The following SCAPER variants were observed in gnomAD, a reference collection of about 807,000 sequenced individuals.
SCAPER encodes the protein S-phase cyclin A associated protein in the ER, also known as S phase cyclin A-associated protein in the endoplasmic reticulum.
A neutral mutation model predicts 182.2 loss-of-function variants in SCAPER; 98 were observed. The ratio of observed to expected loss-of-function variants is 0.54; its 90% CI spans 0.46 to 0.64. SCAPER has a LOEUF of 0.64. SCAPER is among the 30% of genes least tolerant of loss of function. The pLI, the probability that SCAPER is intolerant of heterozygous loss-of-function variation, is 0.00. For missense variants in SCAPER, 1,432 were observed against 1,690.0 expected (o/e 0.85, Z 2.68); for synonymous variants, 605 against 564.6 (o/e 1.07, Z -1.01).
intron 29 of SCAPER, among the ~76,000 whole-genome samples, chr15:76,358,716 G>C (rs1312236987): frequency 6.6e-6 from 1 of 152,206 alleles, no homozygotes; most frequent in Non-Finnish European, 1.5e-5. Flanking sequence ...TTGCAGGTTA[G>C]GGCTTTAACA....
intron 29 of SCAPER, among the ~76,000 whole-genome samples, chr15:76,372,438 A>T (rs2042246119): frequency 1.3e-5 from 2 of 152,158 alleles, no homozygotes; most frequent in African/African-American, 4.8e-5. Context: ...TGAGTCACCC[A>T]TCCCTGATGC....
intron 14 of SCAPER, among the ~76,000 whole-genome samples, chr15:76,755,546 A>C (rs748991641): frequency 6.6e-6 from 1 of 152,166 alleles, no homozygotes; most frequent in Non-Finnish European, 1.5e-5. Context: ...TAGTGGCCAT[A>C]TATCTTTCAA....
chr15:76,892,698 T>C (rs1402784735), intron 1 of SCAPER, among the ~76,000 whole-genome samples: 2 of 152,144 alleles, frequency 1.3e-5, no homozygotes, highest in Non-Finnish European at 2.9e-5. Context: ...TGTGGAGAAA[T>C]AGGAATGCTT....
At chr15:76,503,105 G>A (rs1036592457) in intron 24 of SCAPER, among the ~76,000 whole-genome samples, 1 of 151,982 alleles carries the variant, frequency 6.6e-6, no homozygotes, top group African/African-American at 2.4e-5. Flanking sequence ...AAAACCTCCA[G>A]GTGAATTTAA....
intron 17 of SCAPER, among the ~76,000 whole-genome samples, chr15:76,727,779 C>T (rs1423352792): frequency 1.3e-5 from 2 of 151,334 alleles, no homozygotes; most frequent in Non-Finnish European, 2.9e-5. Context: ...TAAGACACAA[C>T]CTATAGGTAT....
chr15:76,742,133 C>T (rs146071685), intron 15 of SCAPER, among the ~76,000 whole-genome samples: 26 of 151,992 alleles, frequency 1.7e-4, no homozygotes, highest in Non-Finnish European at 2.7e-4. Context: ...TGAAGTGACT[C>T]AGAAAAGTCT....
At chr15:76,806,887 A>G (rs2066201643) in intron 5 of SCAPER, among the ~76,000 whole-genome samples, 3 of 152,082 alleles carry the variant, frequency 2.0e-5, no homozygotes, top group Admixed American at 2.0e-4. Flanking sequence ...TAAAAATACA[A>G]CTGATTTTTG....
At chr15:76,526,943 C>T (rs1447419332) in intron 23 of SCAPER, among the ~76,000 whole-genome samples, 1 of 151,890 alleles carries the variant, frequency 6.6e-6, no homozygotes, top group African/African-American at 2.4e-5. Context: ...GCGATCTTGG[C>T]TCACTGCAAC....
chr15:76,570,142 C>G (rs1049474944), intron 23 of SCAPER, among the ~76,000 whole-genome samples: 7 of 152,068 alleles, frequency 4.6e-5, no homozygotes, highest in Non-Finnish European at 1.0e-4. Flanking sequence ...TCATTTTAAT[C>G]TTTTTTCAGT....
At chr15:76,661,376 A>G (rs559530487) in intron 21 of SCAPER, among the ~76,000 whole-genome samples, 2 of 152,296 alleles carry the variant, frequency 1.3e-5, no homozygotes, top group South Asian at 2.1e-4. Context: ...ACAAACTATC[A>G]TAAGAGCAAA....
chr15:76,575,738 T>C (rs2047768422), intron 22 of SCAPER, among the ~76,000 whole-genome samples: 1 of 152,232 alleles, frequency 6.6e-6, no homozygotes, highest in African/African-American at 2.4e-5. Flanking sequence ...CTTTCTCTGA[T>C]TTGACTATTT....
In SCAPER at chr15:76,668,167, C is replaced by T. The variant is rs901082218; in HGVS notation, c.2509-2378G>A. On this transcript the variant is annotated intron_variant, in intron 20 of 31. Coordinates refer to ENST00000563290, the MANE Select transcript of SCAPER (RefSeq NM_020843.4). ...CATCCAATACATCAGCAAATCCTAT[C>T]AGTTCTCTTTTCATATATATCCCCA... 3.9e-5 allele frequency among the ~76,000 whole-genome samples: 6 copies of T among 152,152 alleles called. No individual in the cohort carries two copies. The South Asian group carries it at 1.2e-3, about 32-fold the overall frequency.
At position 76,415,937 on chromosome 15, in the gene SCAPER, A is replaced by G. The variant is rs527650409; in HGVS notation, c.3312-11258T>C. 3.0e-4 allele frequency among the ~76,000 whole-genome samples: 46 copies of G among 152,340 alleles called. 1 individual carries two copies. Among genetic ancestry groups the G allele is most frequent in the African/African-American group, 1.1e-3 (44 of 41,580 alleles). On this transcript the variant is annotated intron_variant, in intron 26 of 31. Coordinates refer to ENST00000563290, the MANE Select transcript of SCAPER (RefSeq NM_020843.4). ...CTATAATTTTATTTTGTGTATGTTG[A>G]CAGTATTTCATAATAAAATAATAGA...
chr15:76,623,372 T>A (rs1753409863), intron 21 of SCAPER, among the ~76,000 whole-genome samples: 1 of 152,220 alleles, frequency 6.6e-6, no homozygotes, highest in Admixed American at 6.5e-5. Context: ...AATTTTATAG[T>A]TTAGAGGTCT....
intron 24 of SCAPER, chr15:76,498,266 C>T (rs1301466637): frequency 6.6e-6 from 1 of 152,084 alleles, no homozygotes; most frequent in African/African-American, 2.4e-5. Context: ...TTCCCATGCC[C>T]ACAAGTGATC....
intron 29 of SCAPER, among the ~76,000 whole-genome samples, chr15:76,358,936 G>C (rs2041197481): frequency 6.6e-6 from 1 of 152,148 alleles, no homozygotes; most frequent in Non-Finnish European, 1.5e-5. Context: ...GGCAGCCCTG[G>C]GCTCTAGGTC....
intron 28 of SCAPER, among the ~76,000 whole-genome samples, chr15:76,377,874 C>CTCAGCA (rs1209723968): frequency 6.6e-6 from 1 of 152,222 alleles, no homozygotes; most frequent in East Asian, 1.9e-4. Flanking sequence ...AACCTTCTGA[C>CTCAGCA]TCAGCATGTC....
rs911693513 is a variant in SCAPER at position 76,438,300 on chromosome 15, T to A, written c.3079-3990A>T. On this transcript the variant is annotated intron_variant, in intron 25 of 31. Coordinates refer to ENST00000563290, the MANE Select transcript of SCAPER (RefSeq NM_020843.4). ...GTCTCAAAAAAAAAAAAAAAAAAAA[T>A]TTAAGAATATATTTATGGGCTGTTG... 5.1e-3 allele frequency among the ~76,000 whole-genome samples: 611 copies of A among 119,822 alleles called. 6 individuals are homozygous for A. The highest frequency in any genetic ancestry group is 0.016 in the African/African-American group (564 of 35,166). 78.6% of individuals were successfully genotyped at this position (119,822 alleles called of 152,430 possible).
intron 23 of SCAPER, among the ~76,000 whole-genome samples, chr15:76,568,954 T>A (rs187215097): frequency 6.4e-4 from 97 of 152,188 alleles, no homozygotes; most frequent in African/African-American, 2.1e-3. Context: ...TCTAACTTAT[T>A]TGTGCTATTT....
Sources: allele counts gnomAD v4.1 joint callset (sites outside exome capture counted in the v4.1 genomes callset), GRCh38; gene constraint gnomAD v4.1.1; transcripts MANE v1.5; gene names NCBI Gene and HGNC (gene_info 2026-07-23, HGNC 2026-07-21).